ZMYM5: variants seen among roughly 807,000 people sequenced by gnomAD.
ZMYM5 encodes the protein zinc finger MYM-type protein 5.
In ZMYM5, 41 loss-of-function variants were observed where a neutral mutation model predicts 61.8. That is an observed-to-expected ratio of 0.66 (90% CI 0.52 to 0.86). The LOEUF is 0.86. ZMYM5 is among the 40% of genes least tolerant of loss of function. The pLI is 0.00. For missense variants in ZMYM5, 706 were observed against 786.7 expected, an observed-to-expected ratio of 0.90 and a Z score of 1.23; for synonymous variants, 257 against 276.4, an observed-to-expected ratio of 0.93 and a Z score of 0.70.
chr13:19,833,227 C>G (rs1264683919), intron 7 of ZMYM5, among the ~76,000 whole-genome samples: 2 of 152,142 alleles, frequency 1.3e-5, no homozygotes, highest in Admixed American at 6.5e-5. Flanking sequence ...GTTACTTTCC[C>G]TTGAAGCTAA....
chr13:19,844,747 G>A (rs1953014712), intron 4 of ZMYM5, among the ~76,000 whole-genome samples: 1 of 152,112 alleles, frequency 6.6e-6, no homozygotes, highest in Admixed American at 6.6e-5. Flanking sequence ...TCAGTCTCCT[G>A]AGCAGCTGGG....
chr13:19,825,574 G>A (rs1023224737), intron 7 of ZMYM5, among the ~76,000 whole-genome samples: 1 of 151,952 alleles, frequency 6.6e-6, no homozygotes, highest in Non-Finnish European at 1.5e-5. Flanking sequence ...CTGAACCCAG[G>A]AGGCAGAGGT....
At chr13:19,861,119 T>A (rs1376772813) in intron 2 of ZMYM5, among the ~76,000 whole-genome samples, 1 of 151,984 alleles carries the variant, frequency 6.6e-6, no homozygotes. Flanking sequence ...AGTGCTGGGA[T>A]TACAGGAGTG....
rs114051592 is a variant in ZMYM5, at chr13:19,844,576, C to A, written c.587-5591G>T. 6.3e-3 allele frequency among the ~76,000 whole-genome samples: 955 copies of A among 152,248 alleles called. 16 individuals carry two copies. Among genetic ancestry groups the A allele is most frequent in the African/African-American group, 0.021 (874 of 41,544 alleles). On this transcript the variant is annotated intron_variant, in intron 4 of 7. Transcript: ENST00000337963. ...TGATACCACCTTTCAGTTTAGCAAG[C>A]TTTAAGTAATAACACCTACTGTTAA...
chr13:19,840,994 C>CTTTT (rs377117105), intron 4 of ZMYM5, among the ~76,000 whole-genome samples: 1 of 136,742 alleles, frequency 7.3e-6, no homozygotes, highest in Non-Finnish European at 1.6e-5. Context: ...CCACTTTTTA[C>CTTTT]TTTTTTTTTT....
At chr13:19,859,653 C>T (rs1953656329) in intron 2 of ZMYM5, among the ~76,000 whole-genome samples, 1 of 151,836 alleles carries the variant, frequency 6.6e-6, no homozygotes, top group Admixed American at 6.6e-5. Context: ...ATGATCTGCC[C>T]ACCTTGGCCT....
At chr13:19,831,077 T>C (rs1017040063) in intron 7 of ZMYM5, among the ~76,000 whole-genome samples, 1 of 151,422 alleles carries the variant, frequency 6.6e-6, no homozygotes, top group Non-Finnish European at 1.5e-5. Context: ...CTGACCCGCC[T>C]TGGCCTTCCA....
intron 4 of ZMYM5, among the ~76,000 whole-genome samples, chr13:19,841,645 T>C (rs1952881987): frequency 1.3e-5 from 2 of 151,548 alleles, no homozygotes; most frequent in African/African-American, 4.8e-5. Context: ...GCAACAAAAA[T>C]ACAAAAGATG....
chr13:19,849,838 A>G (rs1323627590), intron 4 of ZMYM5, among the ~76,000 whole-genome samples: 4 of 151,944 alleles, frequency 2.6e-5, no homozygotes, highest in Non-Finnish European at 5.9e-5. Flanking sequence ...AAAATTAGCT[A>G]GGCGTGATGG....
At chr13:19,845,654 A>G (rs1246824972) in intron 4 of ZMYM5, among the ~76,000 whole-genome samples, 1 of 152,200 alleles carries the variant, frequency 6.6e-6, no homozygotes, top group Non-Finnish European at 1.5e-5. Flanking sequence ...ACTCTGGAAA[A>G]GCTCTATATT....
chr13:19,839,034 T>A lies in ZMYM5; in HGVS notation c.587-49A>T, dbSNP rs202013897. On this transcript the variant is annotated intron_variant, in intron 4 of 7. Transcript: ENST00000337963. The stretch of plus-strand genomic sequence containing the variant: ...ATCATGGAACAAATCAAAATGTACA[T>A]CAGAAAAATAACTTGCATTTTCATT... 5.7e-6 allele frequency: 9 copies of A among 1,577,074 alleles called. No individual in the cohort carries two copies. The East Asian group carries it at 1.8e-4, about 31-fold the overall frequency.
At position 19,835,588 on chromosome 13, in the gene ZMYM5, ACAG is replaced by A; in HGVS notation, c.1137_1139del (p.Cys380del). 2.2e-6 allele frequency: 3 copies of A among 1,367,712 alleles called. No homozygotes were observed. Among genetic ancestry groups the A allele is most frequent in the Non-Finnish European group, 2.9e-6 (3 of 1,021,848 alleles). 84.7% of individuals were successfully genotyped at this position (1,367,712 alleles called of 1,614,324 possible). On this transcript the variant is annotated inframe_deletion, in exon 7 of 8. Transcript: ENST00000337963. The stretch of plus-strand genomic sequence containing the variant: ...TAGGCATGTACTCTCCACAGTGTTC[ACAG>A]CAGTTCATTATTAGACCATTGGCCA...
intron 2 of ZMYM5, among the ~76,000 whole-genome samples, chr13:19,860,841 G>C (rs1953720489): frequency 7.0e-6 from 1 of 143,624 alleles, no homozygotes; most frequent in South Asian, 2.3e-4. Flanking sequence ...AAAATCTCAA[G>C]AAATAAAGGA....
intron 4 of ZMYM5, among the ~76,000 whole-genome samples, chr13:19,850,506 C>G (rs1419141100): frequency 1.3e-5 from 2 of 151,964 alleles, no homozygotes; most frequent in Non-Finnish European, 2.9e-5. Context: ...GAGGCTGAGG[C>G]AGGAGAATCA....
chr13:19,856,565 G>A (rs938605559), intron 2 of ZMYM5, among the ~76,000 whole-genome samples: 1 of 151,964 alleles, frequency 6.6e-6, no homozygotes, highest in Non-Finnish European at 1.5e-5. Flanking sequence ...GCCTGAACCC[G>A]GGAGGCAGAG....
At chr13:19,849,653 C>T (rs1953210446) in intron 4 of ZMYM5, among the ~76,000 whole-genome samples, 1 of 151,916 alleles carries the variant, frequency 6.6e-6, no homozygotes, top group South Asian at 2.1e-4. Flanking sequence ...CATAGTATTT[C>T]GTAACCAGAA....
At position 19,838,833 on chromosome 13, in the gene ZMYM5, A is replaced by G; in HGVS notation, c.739T>C (p.Cys247Arg). ...TKPAKITCAN[C>R]KKPLQKGQTA... is the part of the protein sequence containing the mutation. ...TGTCCCTTCTGTAAAGGCTTTTTGC[A>G]ATTTGCACAAGTGATTTTAGCTGGT... is the stretch of plus-strand genomic sequence containing the variant. Residue 247 changes from cysteine to arginine, a missense_variant, in exon 5 of 8, where the codon TGC (cysteine) becomes CGC (arginine). Physicochemically the swap from Cys to Arg is radical, Grantham distance 180. Transcript: ENST00000337963. 6 of 1,614,128 alleles carry G rather than the reference A, an allele frequency of 3.7e-6. No homozygotes were observed. The highest frequency in any genetic ancestry group is 5.1e-6 in the Non-Finnish European group (6 of 1,180,030).
intron 4 of ZMYM5, among the ~76,000 whole-genome samples, chr13:19,840,436 T>A (rs543253554): frequency 6.6e-6 from 1 of 152,188 alleles, no homozygotes; most frequent in Non-Finnish European, 1.5e-5. Flanking sequence ...TGCAGTGGCA[T>A]GATCACAGCT....
At chr13:19,858,359 T>A (rs1435778752) in intron 2 of ZMYM5, among the ~76,000 whole-genome samples, 1 of 151,450 alleles carries the variant, frequency 6.6e-6, no homozygotes, top group African/African-American at 2.4e-5. Context: ...CCTAGGCAGG[T>A]GGATCGCTTG....
Sources: gnomAD v4.1 joint callset for allele counts (sites outside exome capture counted in the v4.1 genomes callset) on GRCh38, gnomAD v4.1.1 for gene constraint, MANE v1.5 for transcripts, NCBI Gene and HGNC (gene_info 2026-07-23, HGNC 2026-07-21) for gene names.